The following DLG2 variants were observed in gnomAD, a reference collection of about 807,000 sequenced individuals.
The protein encoded by DLG2 is disks large homolog 2.
DLG2 carries 45 observed loss-of-function variants against 132.5 expected under a neutral mutation model. The observed-to-expected ratio is 0.34, with a 90% confidence interval of 0.27 to 0.44. DLG2 has a LOEUF of 0.44. DLG2 is among the 20% of genes least tolerant of loss of function. The pLI is 1.00. For missense variants in DLG2, 1,045 were observed against 1,196.9 expected (o/e 0.87, Z 1.87); for synonymous variants, 424 against 419.6 (o/e 1.01, Z -0.13).
chr11:84,877,190 G>A (rs554213946), intron 6 of DLG2, among the ~76,000 whole-genome samples: 284 of 152,202 alleles, frequency 1.9e-3, no homozygotes, highest in Non-Finnish European at 3.0e-3. Context: ...TTCTGTAGAT[G>A]CCTATTAGGT....
intron 6 of DLG2, among the ~76,000 whole-genome samples, chr11:84,844,727 C>G (rs1349671900): frequency 6.6e-6 from 1 of 152,090 alleles, no homozygotes; most frequent in Non-Finnish European, 1.5e-5. Context: ...TGTGTATGCT[C>G]ATTTTAAGTT....
chr11:84,425,141 T>C (rs1431295987), intron 7 of DLG2, among the ~76,000 whole-genome samples: 2 of 152,100 alleles, frequency 1.3e-5, no homozygotes, highest in East Asian at 1.9e-4. Context: ...CAAATAAGTA[T>C]TTTTTAATAC....
chr11:85,087,882 G>T lies in DLG2; in HGVS notation c.357+23779C>A, dbSNP rs1045359828. On this transcript the variant is annotated intron_variant, in intron 6 of 27. Coordinates refer to ENST00000376104, the MANE Select transcript of DLG2 (RefSeq NM_001142699.3). ...AAAAAAAAAAAAACAGATCATGGAG[G>T]GATTTGAGGACACTGTGTTAAGGAA... Among the ~76,000 whole-genome samples, 6 of 148,790 alleles carry T rather than the reference G, an allele frequency of 4.0e-5. No homozygotes were observed. In the East Asian group the frequency reaches 1.2e-3, roughly 29 times the overall value.
intron 9 of DLG2, among the ~76,000 whole-genome samples, chr11:84,138,428 G>A (rs1156911109): frequency 1.3e-5 from 2 of 152,118 alleles, no homozygotes; most frequent in Admixed American, 1.3e-4. Context: ...GAGCATCCTC[G>A]AGGTTCCACC....
chr11:84,838,945 C>T (rs1174495314), intron 6 of DLG2, among the ~76,000 whole-genome samples: 2 of 152,034 alleles, frequency 1.3e-5, no homozygotes, highest in Non-Finnish European at 2.9e-5. Flanking sequence ...GACAGGGATG[C>T]CCTCTCTCAC....
intron 7 of DLG2, among the ~76,000 whole-genome samples, chr11:84,348,868 T>C (rs918927730): frequency 6.6e-6 from 1 of 152,082 alleles, no homozygotes; most frequent in Non-Finnish European, 1.5e-5. Context: ...ATGCCAAGGA[T>C]TGCAAGCAAA....
At chr11:85,469,082 T>A (rs765154522) in intron 3 of DLG2, among the ~76,000 whole-genome samples, 1 of 152,344 alleles carries the variant, frequency 6.6e-6, no homozygotes, top group African/African-American at 2.4e-5. Flanking sequence ...ATTCTTCCAA[T>A]CGGGCAAGTC....
chr11:84,466,629 G>T (rs573378512), intron 7 of DLG2, among the ~76,000 whole-genome samples: 1 of 151,304 alleles, frequency 6.6e-6, no homozygotes, highest in South Asian at 2.1e-4. Context: ...TTGATAACAC[G>T]CTCTGTTGGC....
At chr11:85,494,767 T>C (rs1022566489) in intron 3 of DLG2, among the ~76,000 whole-genome samples, 1 of 151,794 alleles carries the variant, frequency 6.6e-6, no homozygotes, top group African/African-American at 2.4e-5. Flanking sequence ...TAAGACGAAA[T>C]ATGAAAGAAG....
At position 84,673,465 on chromosome 11, in the gene DLG2, TG is replaced by T. The variant is rs532174958; in HGVS notation, c.358-138735del. Among the ~76,000 whole-genome samples the T allele has an allele frequency of 2.6e-5, 4 of 151,796 alleles. No individual in the cohort carries two copies. The South Asian group carries it at 8.3e-4, about 32-fold the overall frequency. On this transcript the variant is annotated intron_variant, in intron 6 of 27. Coordinates refer to ENST00000376104, the MANE Select transcript of DLG2 (RefSeq NM_001142699.3). ...CAAAATGAGACTGATATACAGAGGG[TG>T]GGTAAGGGGCTTATAAATATTATAA... is the stretch of plus-strand genomic sequence containing the variant.
At chr11:85,344,840 A>C (rs1295416020) in intron 3 of DLG2, among the ~76,000 whole-genome samples, 1 of 151,984 alleles carries the variant, frequency 6.6e-6, no homozygotes, top group East Asian at 1.9e-4. Flanking sequence ...GTTTTTTTTC[A>C]AACTTCATTA....
intron 3 of DLG2, among the ~76,000 whole-genome samples, chr11:85,537,578 C>T (rs1209143169): frequency 6.7e-6 from 1 of 149,386 alleles, no homozygotes; most frequent in African/African-American, 2.6e-5. Context: ...AGACGTGCCA[C>T]CTTTGTGAAC....
At chr11:85,105,626 C>T (rs2071610912) in intron 6 of DLG2, among the ~76,000 whole-genome samples, 1 of 151,970 alleles carries the variant, frequency 6.6e-6, no homozygotes, top group African/African-American at 2.4e-5. Flanking sequence ...ATTTAAGGTC[C>T]TGTACGCTGC....
intron 6 of DLG2, among the ~76,000 whole-genome samples, chr11:84,553,059 A>G (rs565601353): frequency 1.3e-5 from 2 of 151,956 alleles, no homozygotes; most frequent in Non-Finnish European, 2.9e-5. Flanking sequence ...TTCCTGTCTC[A>G]TGCTTTTCCT....
At chr11:84,360,256 T>C (rs2098642043) in intron 7 of DLG2, among the ~76,000 whole-genome samples, 1 of 151,680 alleles carries the variant, frequency 6.6e-6, no homozygotes. Flanking sequence ...ATTATAGGGG[T>C]AGAAGGCTTG....
At chr11:84,129,215 A>G (rs2154214458) in intron 9 of DLG2, among the ~76,000 whole-genome samples, 1 of 152,248 alleles carries the variant, frequency 6.6e-6, no homozygotes, top group African/African-American at 2.4e-5. Flanking sequence ...GAAGTCATCT[A>G]CTGAACCATG....
chr11:84,502,456 C>T (rs898596177), intron 7 of DLG2, among the ~76,000 whole-genome samples: 1 of 146,684 alleles, frequency 6.8e-6, no homozygotes, highest in Non-Finnish European at 1.5e-5. Flanking sequence ...AGTGCAGTGT[C>T]TCAATCTCGG....
intron 6 of DLG2, among the ~76,000 whole-genome samples, chr11:84,807,417 G>T (rs1259859462): frequency 6.6e-6 from 1 of 152,086 alleles, no homozygotes. Context: ...TTGCACTCCA[G>T]CCTGGGCGAC....
chr11:84,625,503 G>A, intron 6 of DLG2, among the ~76,000 whole-genome samples: 1 of 152,046 alleles, frequency 6.6e-6, no homozygotes, highest in East Asian at 1.9e-4. Context: ...GTTTCTTCTG[G>A]GAGCATCTGC....
Sources: gnomAD v4.1 joint callset for allele counts (sites outside exome capture counted in the v4.1 genomes callset) on GRCh38, gnomAD v4.1.1 for gene constraint, MANE v1.5 for transcripts, NCBI Gene and HGNC (gene_info 2026-07-23, HGNC 2026-07-21) for gene names.